PID1: variants seen among roughly 807,000 people sequenced by gnomAD.
The protein encoded by PID1 is PTB-containing, cubilin and LRP1-interacting protein.
A neutral mutation model predicts 19.1 loss-of-function variants in PID1; 10 were observed. The observed-to-expected ratio is 0.52, with a 90% CI of 0.32 to 0.89. The LOEUF is 0.89. Among genes scored for constraint, PID1 ranks in the 40% least tolerant of loss-of-function variants. PID1 has a pLI of 0.03. For missense variants in PID1, 248 were observed against 285.3 expected, an observed-to-expected ratio of 0.87 and a Z score of 0.94; for synonymous variants, 130 against 116.0, an observed-to-expected ratio of 1.12 and a Z score of -0.78.
At chr2:229,035,045 A>G (rs1337986526) in intron 2 of PID1, among the ~76,000 whole-genome samples, 1 of 152,154 alleles carries the variant, frequency 6.6e-6, no homozygotes, top group African/African-American at 2.4e-5. Flanking sequence ...TAACTTCTAT[A>G]ATAAGGCATA....
At chr2:229,197,144 C>T (rs970563101) in intron 1 of PID1, among the ~76,000 whole-genome samples, 3 of 151,834 alleles carry the variant, frequency 2.0e-5, no homozygotes, top group African/African-American at 7.3e-5. Flanking sequence ...GGTGAAATAA[C>T]AAATAATACT....
intron 1 of PID1, among the ~76,000 whole-genome samples, chr2:229,249,736 C>A (rs1209733239): frequency 6.6e-6 from 1 of 152,144 alleles, no homozygotes; most frequent in East Asian, 1.9e-4. Flanking sequence ...AGAAGAGGGG[C>A]AACTTCAACT....
chr2:229,054,760 C>T (rs1694066098), intron 2 of PID1, among the ~76,000 whole-genome samples: 1 of 133,056 alleles, frequency 7.5e-6, no homozygotes, highest in Admixed American at 8.4e-5. Flanking sequence ...TTTGTACATT[C>T]ACTTCAATAT....
chr2:229,056,055 A>G (rs1440745787), intron 2 of PID1, among the ~76,000 whole-genome samples: 1 of 152,186 alleles, frequency 6.6e-6, no homozygotes, highest in African/African-American at 2.4e-5. Flanking sequence ...CAGACTATAC[A>G]TAATCTGGTT....
At chr2:229,143,319 A>G (rs6739500) in intron 2 of PID1, among the ~76,000 whole-genome samples, 32,229 of 150,632 alleles carry the variant, frequency 0.21, 3,819 homozygotes, top group South Asian at 0.48. Flanking sequence ...CACATTGTGC[A>G]CATGTACCCT....
chr2:229,088,770 C>T lies in PID1; in HGVS notation c.178-62662G>A, dbSNP rs376055992. Among the ~76,000 whole-genome samples the T allele has an allele frequency of 7.2e-5, 11 of 152,206 alleles. No individual in the cohort carries two copies. The South Asian group carries it at 8.3e-4, about 11-fold the overall frequency. ...TCAGAGGCAAAAATACACTGGAAGCCTGCTTCTGCTCTGCTGAGTAATTAT... is the reference window on the plus strand; with the variant it reads ...TCAGAGGCAAAAATACACTGGAAGCTTGCTTCTGCTCTGCTGAGTAATTAT... On this transcript the variant is annotated intron_variant, in intron 2 of 2. Transcript: ENST00000392055.
intron 2 of PID1, among the ~76,000 whole-genome samples, chr2:229,074,827 AT>A (rs1292079937): frequency 6.6e-6 from 1 of 152,160 alleles, no homozygotes; most frequent in Non-Finnish European, 1.5e-5. Flanking sequence ...TATATTTCAG[AT>A]TTCAAGGTGA....
chr2:229,243,236 G>A (rs994005488), intron 1 of PID1, among the ~76,000 whole-genome samples: 1 of 152,096 alleles, frequency 6.6e-6, no homozygotes, highest in Admixed American at 6.6e-5. Context: ...CATGAGAACA[G>A]CATGGGAAAG....
rs534736661 is a variant in PID1, at chr2:229,089,041, G to C, written c.178-62933C>G. ...AATATTTTAATTCTAACTTCACATT[G>C]GCAACCAGAAGATAGGAAACAGAGC... On this transcript the variant is annotated intron_variant, in intron 2 of 2. Transcript: ENST00000392055. Among the ~76,000 whole-genome samples the C allele has an allele frequency of 1.3e-4, 20 of 152,130 alleles. 1 individual carries two copies. In the South Asian group the frequency reaches 3.5e-3, roughly 27 times the overall value.
chr2:229,028,500 A>G (rs1693474392), intron 2 of PID1, among the ~76,000 whole-genome samples: 1 of 152,216 alleles, frequency 6.6e-6, no homozygotes, highest in South Asian at 2.1e-4. Flanking sequence ...CAGCCCATCC[A>G]ATGGGAGAAA....
At chr2:229,231,636 C>T (rs1293889543) in intron 1 of PID1, among the ~76,000 whole-genome samples, 1 of 152,096 alleles carries the variant, frequency 6.6e-6, no homozygotes, top group Non-Finnish European at 1.5e-5. Context: ...AGGCTAAAAC[C>T]AAATGTGTGT....
At chr2:229,190,159 C>T (rs1691224978) in intron 1 of PID1, among the ~76,000 whole-genome samples, 1 of 152,180 alleles carries the variant, frequency 6.6e-6, no homozygotes, top group Admixed American at 6.5e-5. Context: ...TGGTTCCCCT[C>T]TACGGCAACG....
intron 2 of PID1, among the ~76,000 whole-genome samples, chr2:229,078,565 G>A (rs1168883045): frequency 2.6e-5 from 4 of 152,132 alleles, no homozygotes; most frequent in African/African-American, 4.8e-5. Flanking sequence ...TTTGAGATAT[G>A]TTCCATCAAT....
intron 2 of PID1, among the ~76,000 whole-genome samples, chr2:229,134,910 T>A (rs1689828698): frequency 2.1e-5 from 3 of 141,022 alleles, no homozygotes; most frequent in Non-Finnish European, 4.7e-5. Flanking sequence ...GTGGGATAAA[T>A]CCCCACAAAT....
At chr2:229,253,422 G>T (rs1345873176) in intron 1 of PID1, among the ~76,000 whole-genome samples, 5 of 152,094 alleles carry the variant, frequency 3.3e-5, no homozygotes, top group African/African-American at 4.8e-5. Flanking sequence ...ATTTATAGGA[G>T]ATGCCAATAG....
At position 229,232,105 on chromosome 2, in the gene PID1, G is replaced by A. The variant is rs993322788; in HGVS notation, c.30+38909C>T. 6.8e-6 allele frequency: 10 copies of A among 1,481,476 alleles called. No homozygotes were observed. The African/African-American group carries it at 1.3e-4, about 19-fold the overall frequency. 91.8% of individuals were successfully genotyped at this position (1,481,476 alleles called of 1,614,324 possible). A position where few individuals can be genotyped will look rare whatever the true frequency, so the allele number is the denominator to read the frequency against. On this transcript the variant is annotated intron_variant, in intron 1 of 2. Coordinates refer to ENST00000392055, the MANE Select transcript of PID1 (RefSeq NM_001100818.2). ...TTTCATTCCATTCAAGAGGGGAGGA[G>A]CCCTGATGACTTAACCACCTCTTAA...
At chr2:229,124,534 T>C (rs1170063186) in intron 2 of PID1, among the ~76,000 whole-genome samples, 1 of 152,208 alleles carries the variant, frequency 6.6e-6, no homozygotes, top group Non-Finnish European at 1.5e-5. Flanking sequence ...CCCTCAGTTC[T>C]CCCTAATCAC....
At chr2:229,060,389 G>A (rs1408909047) in intron 2 of PID1, among the ~76,000 whole-genome samples, 1 of 152,056 alleles carries the variant, frequency 6.6e-6, no homozygotes, top group Non-Finnish European at 1.5e-5. Flanking sequence ...TCTGGGCCTA[G>A]CAATAAGCAC....
intron 2 of PID1, among the ~76,000 whole-genome samples, chr2:229,135,029 G>C (rs1689831096): frequency 6.6e-6 from 1 of 152,096 alleles, no homozygotes; most frequent in Admixed American, 6.5e-5. Flanking sequence ...AAGAAGAGGA[G>C]AAAATAAGAG....
Sources: allele counts gnomAD v4.1 joint callset (sites outside exome capture counted in the v4.1 genomes callset), GRCh38; gene constraint gnomAD v4.1.1; transcripts MANE v1.5; gene names NCBI Gene and HGNC (gene_info 2026-07-23, HGNC 2026-07-21).